ADGRA3: variants seen among roughly 807,000 people sequenced by gnomAD.
ADGRA3 encodes adhesion G protein-coupled receptor A3, also known as G-protein coupled receptor 125.
In ADGRA3, 56 loss-of-function variants were observed where a neutral mutation model predicts 119.8. The observed-to-expected ratio is 0.47, with a 90% CI of 0.38 to 0.58. The LOEUF (loss-of-function observed/expected upper bound fraction) is 0.58. Ranked by LOEUF, ADGRA3 falls within the 20% of genes least tolerant of loss-of-function variation. The probability of loss-of-function intolerance (pLI) is 0.00; values close to 1 mark genes in which losing one functional copy is unlikely to be tolerated. For synonymous variants in ADGRA3, 607 were observed against 623.8 expected (o/e 0.97, Z 0.40); for missense variants, 1,516 against 1,649.0 (o/e 0.92, Z 1.40).
At chr4:22,430,220 G>A (rs953313342) in intron 10 of ADGRA3, among the ~76,000 whole-genome samples, 3 of 152,130 alleles carry the variant, frequency 2.0e-5, no homozygotes, top group African/African-American at 4.8e-5. Flanking sequence ...GACTAATACA[G>A]TAAATTGGTA....
At chr4:22,482,450 G>A (rs1718286036) in intron 1 of ADGRA3, among the ~76,000 whole-genome samples, 1 of 150,696 alleles carries the variant, frequency 6.6e-6, no homozygotes, top group African/African-American at 2.4e-5. Flanking sequence ...GAGCCCAGGA[G>A]TTAGAGACCA....
intron 10 of ADGRA3, among the ~76,000 whole-genome samples, chr4:22,434,189 AAAT>A (rs1341069962): frequency 2.7e-5 from 4 of 146,888 alleles, no homozygotes; most frequent in African/African-American, 9.9e-5. Context: ...AGATATATCT[AAAT>A]ATATATTATA....
At chr4:22,392,797 G>A (rs1714191379) in intron 16 of ADGRA3, 107 bp from the exon 17 acceptor site, 3 of 964,766 alleles carry the variant, frequency 3.1e-6, no homozygotes, top group East Asian at 5.3e-5. Context: ...CAGCAGGAAG[G>A]CCTATCCTAA....
intron 1 of ADGRA3, among the ~76,000 whole-genome samples, chr4:22,510,349 C>G (rs1577392579): frequency 6.6e-6 from 1 of 152,114 alleles, no homozygotes; most frequent in East Asian, 1.9e-4. Context: ...GTCTTTCTAG[C>G]TTAATCTCTC....
chr4:22,469,177 C>G (rs1316657931), intron 2 of ADGRA3, among the ~76,000 whole-genome samples: 1 of 152,122 alleles, frequency 6.6e-6, no homozygotes, highest in Non-Finnish European at 1.5e-5. Flanking sequence ...GGAGGTGTCC[C>G]TGCACACTCT....
chr4:22,475,215 G>C (rs2109123835), intron 1 of ADGRA3, among the ~76,000 whole-genome samples: 1 of 152,176 alleles, frequency 6.6e-6, no homozygotes, highest in African/African-American at 2.4e-5. Context: ...TTGATAAAAT[G>C]GGAAGAATAA....
At chr4:22,503,651 A>G (rs1228358973) in intron 1 of ADGRA3, among the ~76,000 whole-genome samples, 1 of 152,208 alleles carries the variant, frequency 6.6e-6, no homozygotes, top group East Asian at 1.9e-4. Context: ...TGACACCTCA[A>G]TAGAACTGAC....
At chr4:22,484,672 A>C (rs1462971348) in intron 1 of ADGRA3, among the ~76,000 whole-genome samples, 24 of 151,660 alleles carry the variant, frequency 1.6e-4, no homozygotes, top group Admixed American at 1.6e-3. Flanking sequence ...CAAATGGTTA[A>C]GTGATTCAGC....
At chr4:22,495,201 C>G (rs1173651592) in intron 1 of ADGRA3, among the ~76,000 whole-genome samples, 1 of 151,954 alleles carries the variant, frequency 6.6e-6, no homozygotes, top group African/African-American at 2.4e-5. Flanking sequence ...ATACCTTGGA[C>G]AAAGGTCTGA....
chr4:22,473,641 T>C (rs1717932614), intron 2 of ADGRA3, 131 bp downstream of exon 2: 4 of 547,612 alleles, frequency 7.3e-6, no homozygotes, highest in Non-Finnish European at 1.2e-5. Flanking sequence ...AAATTTTTCA[T>C]TAAAAAATGT....
At chr4:22,474,239 A>G (rs1717959735) in intron 1 of ADGRA3, among the ~76,000 whole-genome samples, 1 of 152,234 alleles carries the variant, frequency 6.6e-6, no homozygotes, top group African/African-American at 2.4e-5. Flanking sequence ...ATGATCTTGT[A>G]AAATACTGAC....
chr4:22,416,145 G>A (rs4697013), intron 12 of ADGRA3, among the ~76,000 whole-genome samples: 6,959 of 152,174 alleles, frequency 0.046, 291 homozygotes, highest in East Asian at 0.23. Context: ...ATTAGTCACC[G>A]CAAAACACTT....
In ADGRA3 at chr4:22,388,958, A is replaced by G. The variant is rs761183026; in HGVS notation, c.2724-11T>C. 41 of 1,611,974 alleles carry G rather than the reference A, an allele frequency of 2.5e-5. No homozygotes were observed. Among genetic ancestry groups the G allele is most frequent in the Non-Finnish European group, 3.5e-5 (41 of 1,178,872 alleles). Reference sequence around the variant, plus strand: ...CATGCCATCCAGCAACTGGAAAAGAAAATGGTAAACCAGATCGATGCTACA... The same window carrying G: ...CATGCCATCCAGCAACTGGAAAAGAGAATGGTAAACCAGATCGATGCTACA... On this transcript the variant is annotated splice_polypyrimidine_tract_variant and intron_variant, in intron 18 of 18. Coordinates refer to ENST00000334304, the MANE Select transcript of ADGRA3 (RefSeq NM_145290.4).
intron 3 of ADGRA3, chr4:22,455,742 A>T: frequency 1.0e-6 from 1 of 974,696 alleles, no homozygotes; most frequent in Non-Finnish European, 1.4e-6. Context: ...TTAATCAGAC[A>T]CCTGCACTGG....
chr4:22,436,065 A>T (rs1716378677), intron 9 of ADGRA3, among the ~76,000 whole-genome samples: 1 of 152,202 alleles, frequency 6.6e-6, no homozygotes, highest in African/African-American at 2.4e-5. Context: ...AAGCAAAGAT[A>T]ACAAAAAGCA....
intron 16 of ADGRA3, chr4:22,392,931 C>G (rs1054664611): frequency 9.2e-6 from 4 of 433,210 alleles, no homozygotes; most frequent in Non-Finnish European, 1.6e-5. Flanking sequence ...CCATTTATAC[C>G]AAAGACGACC....
At chr4:22,422,745 G>C (rs1715757760) in intron 11 of ADGRA3, among the ~76,000 whole-genome samples, 1 of 152,166 alleles carries the variant, frequency 6.6e-6, no homozygotes, top group Non-Finnish European at 1.5e-5. Flanking sequence ...ATGCAGTTCA[G>C]AGAAAGGGGG....
intron 12 of ADGRA3, among the ~76,000 whole-genome samples, chr4:22,415,874 C>T (rs145785653): frequency 0.017 from 2,551 of 152,000 alleles, 29 homozygotes; most frequent in Middle Eastern, 0.078. Context: ...GGAGTATGGA[C>T]ATATTACTGG....
chr4:22,504,943 G>C (rs1303748663), intron 1 of ADGRA3, among the ~76,000 whole-genome samples: 1 of 152,110 alleles, frequency 6.6e-6, no homozygotes, highest in Non-Finnish European at 1.5e-5. Flanking sequence ...AATGCTTTCT[G>C]TTGATTCAAA....
Sources: allele counts gnomAD v4.1 joint callset (sites outside exome capture counted in the v4.1 genomes callset), GRCh38; gene constraint gnomAD v4.1.1; transcripts MANE v1.5; gene names NCBI Gene and HGNC (gene_info 2026-07-23, HGNC 2026-07-21).